Variants in MAGEB3 observed in about 807,000 individuals in gnomAD.
The protein encoded by MAGEB3 is MAGE family member B3.
For synonymous variants in MAGEB3, 91 were observed against 93.0 expected (o/e 0.98, Z 0.12); for missense variants, 191 against 262.4 (o/e 0.73, Z 1.88).
At chrX:30,233,751 G>A (rs1468912512) in intron 4 of MAGEB3, among the ~76,000 whole-genome samples, 1 of 111,894 alleles carries the variant, frequency 8.9e-6, no homozygotes, top group Admixed American at 9.4e-5. Flanking sequence ...GTCAGCCCTC[G>A]GAGACCCAGA....
At chrX:30,232,986 A>G (rs1221664608) in intron 3 of MAGEB3, 70 bp downstream of exon 3, 1 of 101,215 alleles carries the variant, frequency 9.9e-6, no homozygotes, top group Non-Finnish European at 2.0e-5. Flanking sequence ...CCTAGGAGTC[A>G]AGGCTGCAGT....
chrX:30,233,378 C>G lies in MAGEB3; in HGVS notation c.-62+15C>G, dbSNP rs1378628131. Reference sequence around the variant, plus strand: ...TGGAGGTTGTGGTAAGTCAAGATTGCGCGGCTACACTCCAGCCTGGAAGAC... The same window carrying G: ...TGGAGGTTGTGGTAAGTCAAGATTGGGCGGCTACACTCCAGCCTGGAAGAC... On this transcript the variant is annotated intron_variant, in intron 4 of 4. Coordinates refer to ENST00000361644, the MANE Select transcript of MAGEB3 (RefSeq NM_002365.5). 2.8e-5 allele frequency: 2 copies of G among 71,057 alleles called. No individual in the cohort carries two copies. Among genetic ancestry groups the G allele is most frequent in the African/African-American group, 1.1e-4 (2 of 18,422 alleles). The allele number at this position is 71,057 out of a possible 1,213,427, so 5.9% of individuals were successfully genotyped here.
At position 30,236,569 on chromosome X, in the gene MAGEB3, C is replaced by T; in HGVS notation, c.645C>T (p.Gly215=). 8.3e-7 allele frequency: 1 copy of T among 1,211,536 alleles called. No individual in the cohort carries two copies. The highest frequency in any genetic ancestry group is 1.1e-6 in the Non-Finnish European group (1 of 895,249). Residue 215 remains glycine (G), a synonymous_variant, in exon 5 of 5, where the codon GGC becomes GGT. Transcript: ENST00000361644. ...TCCTGGGCGTGATCTTCATGAAGGG[C>T]AACTGTGCCACTGAGGAGAAGATCT... ...LNLLGVIFMK[G]NCATEEKIWE...
In MAGEB3 at chrX:30,236,172, A is replaced by C. The variant is rs1205994945; in HGVS notation, c.248A>C (p.Tyr83Ser). Reference protein sequence around the residue: ...TSVDVSYKKSYKGANSKIEKK... With the variant: ...TSVDVSYKKSSKGANSKIEKK... ...GTAGATGTTTCTTACAAAAAGTCAT[A>C]CAAGGGAGCCAACAGCAAAATTGAG... Residue 83 changes from tyrosine (Y) to serine (S), a missense_variant, in exon 5 of 5, where the codon TAC becomes TCC. Tyr to Ser is a moderately radical substitution (Grantham distance 144, BLOSUM62 -2). Transcript: ENST00000361644. The C allele has an allele frequency of 8.3e-7, 1 of 1,208,616 alleles. No individual in the cohort carries two copies. The highest frequency in any genetic ancestry group is 1.1e-6 in the Non-Finnish European group (1 of 894,482).
chrX:30,234,041 C>T (rs980315870), intron 4 of MAGEB3, among the ~76,000 whole-genome samples: 1 of 112,327 alleles, frequency 8.9e-6, no homozygotes, highest in Non-Finnish European at 1.9e-5. Flanking sequence ...TAGCATCCTC[C>T]TGGTTAGCAC....
At chrX:30,235,635 G>T (rs776536885) in intron 4 of MAGEB3, among the ~76,000 whole-genome samples, 148 of 111,656 alleles carry the variant, frequency 1.3e-3, no homozygotes, top group East Asian at 4.2e-3. Flanking sequence ...ACATGCCACG[G>T]CTGCTCTCAG....
At chrX:30,232,456 C>CAAA (rs772663436) in intron 2 of MAGEB3, among the ~76,000 whole-genome samples, 1 of 81,632 alleles carries the variant, frequency 1.2e-5, no homozygotes, top group Non-Finnish European at 2.4e-5. Context: ...CCTGTCTCTA[C>CAAA]AAAAAAAAAA....
chrX:30,235,063 C>T (rs1026135230), intron 4 of MAGEB3, among the ~76,000 whole-genome samples: 1 of 111,612 alleles, frequency 9.0e-6, no homozygotes, highest in Non-Finnish European at 1.9e-5. Flanking sequence ...TAATTACATG[C>T]CCCAGTTCTG....
intron 2 of MAGEB3, 75 bp downstream of exon 2, chrX:30,231,693 A>G (rs1924794477): frequency 1.0e-5 from 1 of 98,470 alleles, no homozygotes; most frequent in African/African-American, 3.8e-5. Flanking sequence ...AAAAAAAAAA[A>G]AAAAAAAAAG....
chrX:30,231,676 C>CAAAAAAAAAAAAAAAA (rs747591707), intron 2 of MAGEB3, 58 bp downstream of exon 2: 4 of 28,088 alleles, frequency 1.4e-4, no homozygotes, highest in Admixed American at 6.6e-4. Flanking sequence ...GCCCCTGTCA[C>CAAAAAAAAAAAAAAAA]AAAAAAAAAA....
chrX:30,233,735 C>G (rs761524608), intron 4 of MAGEB3, among the ~76,000 whole-genome samples: 48 of 111,961 alleles, frequency 4.3e-4, no homozygotes, highest in South Asian at 4.2e-3. Context: ...CGTGTCACCC[C>G]CTGCTGTCAG....
rs760599195 is a variant in MAGEB3 at position 30,236,427 on chromosome X, TAAAG to T, written c.508_511del (p.Lys170LeufsTer22). The stretch of plus-strand genomic sequence containing the variant: ...ATGGAGGTGGTATTTGGTGTTGATT[TAAAG>T]AAAGTTGATTCTACCAAGGACTCCT... On this transcript the variant is annotated frameshift_variant, in exon 5 of 5. Coordinates refer to ENST00000361644, the MANE Select transcript of MAGEB3 (RefSeq NM_002365.5). LOFTEE classifies it low-confidence loss of function (END_TRUNC). The T allele has an allele frequency of 7.4e-6, 9 of 1,211,511 alleles. No individual in the cohort carries two copies.
At chrX:30,232,283 C>G (rs1924822019) in intron 2 of MAGEB3, among the ~76,000 whole-genome samples, 1 of 111,655 alleles carries the variant, frequency 9.0e-6, no homozygotes, top group Non-Finnish European at 1.9e-5. Context: ...AACAGGGCAG[C>G]CTCAGTTCTT....
chrX:30,234,053 A>AG (rs1924908627), intron 4 of MAGEB3, among the ~76,000 whole-genome samples: 1 of 112,378 alleles, frequency 8.9e-6, no homozygotes, highest in Non-Finnish European at 1.9e-5. Flanking sequence ...GGTTAGCACC[A>AG]GTGGTCCTTG....
At position 30,235,959 on chromosome X, in the gene MAGEB3, G is replaced by A. The variant is rs1249140926; in HGVS notation, c.35G>A (p.Arg12His). The change falls in exon 5 of 5, where the codon CGT (arginine) becomes CAT (histidine). Residue 12 changes from arginine to histidine, a missense_variant. Arg to His is a conservative substitution (Grantham distance 29). Coordinates refer to ENST00000361644, the MANE Select transcript of MAGEB3 (RefSeq NM_002365.5). ...GGTCAGAAGAGTACGCTCCATGCAC[G>A]TGAGAAACGCCAGCAGACCCGGGGT... ...PRGQKSTLHA[R>H]EKRQQTRGQT... 3.3e-6 allele frequency: 4 copies of A among 1,209,811 alleles called. No individual in the cohort carries two copies. Among genetic ancestry groups the A allele is most frequent in the East Asian group, 3.0e-5 (1 of 33,824 alleles).
At chrX:30,231,676 C>CAAAAAAAAAAAAAAAAAAAAAAAAA (rs747591707) in intron 2 of MAGEB3, 58 bp downstream of exon 2, 2 of 28,085 alleles carry the variant, frequency 7.1e-5, no homozygotes, top group Non-Finnish European at 1.0e-4. Context: ...GCCCCTGTCA[C>CAAAAAAAAAAAAAAAAAAAAAAAAA]AAAAAAAAAA....
intron 4 of MAGEB3, among the ~76,000 whole-genome samples, chrX:30,235,019 C>T (rs1045516836): frequency 1.8e-5 from 2 of 111,676 alleles, no homozygotes; most frequent in Non-Finnish European, 3.8e-5. Flanking sequence ...CGTCAGCCCC[C>T]CTTACTGCCT....
At position 30,233,294 on chromosome X, in the gene MAGEB3, A is replaced by G; in HGVS notation, c.-131A>G. ...TCTGGCTCACGCTTGTAATCCCAAC[A>G]TTTTGGGAGGACGAAGCCAGCCTCA... On this transcript the variant is annotated 5_prime_UTR_variant, in exon 4 of 5. Coordinates refer to ENST00000361644, the MANE Select transcript of MAGEB3 (RefSeq NM_002365.5). 1.0e-5 allele frequency: 1 copy of G among 95,795 alleles called. No homozygotes were observed. The highest frequency in any genetic ancestry group is 3.3e-4 in the East Asian group (1 of 3,068). The allele number at this position is 95,795 out of a possible 1,213,427, so 7.9% of individuals were successfully genotyped here.
intron 1 of MAGEB3, among the ~76,000 whole-genome samples, chrX:30,231,173 G>A (rs961176241): frequency 6.5e-5 from 7 of 107,082 alleles, no homozygotes; most frequent in African/African-American, 2.4e-4. Flanking sequence ...AAAAAATGGC[G>A]GGGCAGCAGT....
Sources: allele counts gnomAD v4.1 joint callset (sites outside exome capture counted in the v4.1 genomes callset), GRCh38; gene constraint gnomAD v4.1.1; transcripts MANE v1.5; gene names NCBI Gene and HGNC (gene_info 2026-07-23, HGNC 2026-07-21).